Variants in GPC5 observed in about 807,000 individuals in gnomAD.
The protein encoded by GPC5 is glypican 5, also known as glypican-5.
GPC5 carries 47 observed loss-of-function variants against 53.9 expected under a neutral mutation model. That is an observed-to-expected ratio of 0.87 (90% CI 0.69 to 1.11). The LOEUF is 1.11. GPC5 is among the 50% of genes most tolerant of loss of function. GPC5 has a pLI of 0.00. For missense variants in GPC5, 748 were observed against 713.1 expected (o/e 1.05, Z -0.56); for synonymous variants, 286 against 263.3 (o/e 1.09, Z -0.84).
chr13:91,507,208 G>C (rs1193586490), intron 2 of GPC5, among the ~76,000 whole-genome samples: 1 of 152,070 alleles, frequency 6.6e-6, no homozygotes, highest in Non-Finnish European at 1.5e-5. Flanking sequence ...CCTAGTTCCT[G>C]GTTCATAGAT....
chr13:92,086,727 T>C lies in GPC5; in HGVS notation c.1402-58103T>C, dbSNP rs578018574. 2.2e-3 allele frequency among the ~76,000 whole-genome samples: 331 copies of C among 152,094 alleles called. 2 individuals are homozygous for C. Among genetic ancestry groups the C allele is most frequent in the African/African-American group, 7.5e-3 (312 of 41,494 alleles). ...AGGCTGGAGTGCAGTGGAGCAATCTTGGCTCACCACAACCTCCACCTCCCA... is the reference window on the plus strand; with the variant it reads ...AGGCTGGAGTGCAGTGGAGCAATCTCGGCTCACCACAACCTCCACCTCCCA... On this transcript the variant is annotated intron_variant, in intron 6 of 7. Transcript: ENST00000377067.
At chr13:92,503,049 A>G (rs9523690) in intron 7 of GPC5, among the ~76,000 whole-genome samples, 86,759 of 151,750 alleles carry the variant, frequency 0.57, 25,486 homozygotes, top group East Asian at 0.75. Context: ...CAGATATTTG[A>G]AAATTTAACA....
intron 7 of GPC5, among the ~76,000 whole-genome samples, chr13:92,254,132 C>CA (rs1381556394): frequency 1.3e-5 from 2 of 151,818 alleles, no homozygotes; most frequent in African/African-American, 4.8e-5. Flanking sequence ...ACCAGGGGAA[C>CA]AAAAAATTGA....
At chr13:92,729,671 A>T (rs940123299) in intron 7 of GPC5, among the ~76,000 whole-genome samples, 2 of 151,450 alleles carry the variant, frequency 1.3e-5, no homozygotes, top group Non-Finnish European at 3.0e-5. Context: ...TTAGCTAATG[A>T]TCAGCATGTA....
In GPC5 at chr13:91,671,463, A is replaced by G. The variant is rs2035240921; in HGVS notation, c.326-21724A>G. Among the ~76,000 whole-genome samples the G allele has an allele frequency of 2.6e-5, 4 of 152,068 alleles. No homozygotes were observed. In the South Asian group the frequency reaches 8.3e-4, roughly 32 times the overall value. ...TTTGCTGAAATTCCTTATCAGTTCA[A>G]GAATTTTTGGGGCTGAGATTATGGG... On this transcript the variant is annotated intron_variant, in intron 2 of 7. Coordinates refer to ENST00000377067, the MANE Select transcript of GPC5 (RefSeq NM_004466.6).
At chr13:92,085,919 G>A (rs965149298) in intron 6 of GPC5, among the ~76,000 whole-genome samples, 5 of 152,186 alleles carry the variant, frequency 3.3e-5, no homozygotes, top group African/African-American at 9.6e-5. Flanking sequence ...CGCTCACTCA[G>A]CCGCCACTCA....
intron 6 of GPC5, among the ~76,000 whole-genome samples, chr13:92,015,622 T>C (rs1356099862): frequency 6.6e-6 from 1 of 152,102 alleles, no homozygotes; most frequent in Non-Finnish European, 1.5e-5. Context: ...AGTCACAAAT[T>C]AGTAGAATTC....
At chr13:91,527,906 G>A (rs1886162095) in intron 2 of GPC5, among the ~76,000 whole-genome samples, 1 of 152,184 alleles carries the variant, frequency 6.6e-6, no homozygotes, top group Admixed American at 6.5e-5. Context: ...TGGAGCTGGA[G>A]GGGCTGGGAG....
intron 6 of GPC5, among the ~76,000 whole-genome samples, chr13:92,131,364 C>A (rs181206466): frequency 3.2e-4 from 49 of 152,078 alleles, no homozygotes; most frequent in Non-Finnish European, 6.2e-4. Flanking sequence ...GTACTTCAGT[C>A]TATGTCAGTC....
intron 2 of GPC5, among the ~76,000 whole-genome samples, chr13:91,667,024 G>A (rs539420405): frequency 6.6e-6 from 1 of 152,258 alleles, no homozygotes; most frequent in Admixed American, 6.5e-5. Context: ...TTTCACCATA[G>A]AGAATTATGT....
intron 7 of GPC5, among the ~76,000 whole-genome samples, chr13:92,697,129 C>T (rs1312565879): frequency 6.6e-6 from 1 of 150,954 alleles, no homozygotes; most frequent in Non-Finnish European, 1.5e-5. Context: ...AGTCAGGTAG[C>T]GTGATGCCTC....
chr13:91,945,151 C>G (rs1167507770), intron 6 of GPC5, among the ~76,000 whole-genome samples: 2 of 152,128 alleles, frequency 1.3e-5, no homozygotes, highest in Non-Finnish European at 2.9e-5. Flanking sequence ...CTAATTCTAT[C>G]CTATGTTTTA....
intron 7 of GPC5, among the ~76,000 whole-genome samples, chr13:92,780,107 G>T (rs927573727): frequency 6.6e-6 from 1 of 151,912 alleles, no homozygotes; most frequent in African/African-American, 2.4e-5. Context: ...CAGTCTGTTT[G>T]CAGTACAGTT....
intron 6 of GPC5, among the ~76,000 whole-genome samples, chr13:91,970,756 A>G (rs1032941962): frequency 2.2e-4 from 33 of 152,102 alleles, no homozygotes; most frequent in African/African-American, 7.7e-4. Context: ...CTGTTTATAT[A>G]CTGGATTACA....
chr13:92,519,696 C>A (rs968507420), intron 7 of GPC5, among the ~76,000 whole-genome samples: 1 of 152,018 alleles, frequency 6.6e-6, no homozygotes, highest in African/African-American at 2.4e-5. Flanking sequence ...AAAATTGACA[C>A]CCTAACAACA....
chr13:91,825,477 T>C (rs567810251), intron 5 of GPC5, among the ~76,000 whole-genome samples: 4 of 152,140 alleles, frequency 2.6e-5, no homozygotes, highest in Admixed American at 6.6e-5. Context: ...CATAATGCCT[T>C]ATAATGGTTG....
At chr13:92,385,755 GTATA>G (rs1297156348) in intron 7 of GPC5, among the ~76,000 whole-genome samples, 5 of 101,748 alleles carry the variant, frequency 4.9e-5, no homozygotes, top group African/African-American at 1.5e-4. Flanking sequence ...ATATACACGT[GTATA>G]TATATACGTA....
At chr13:91,746,662 A>G (rs1320574007) in intron 4 of GPC5, among the ~76,000 whole-genome samples, 1 of 152,208 alleles carries the variant, frequency 6.6e-6, no homozygotes, top group East Asian at 1.9e-4. Context: ...GATTAGAGCC[A>G]TAGGCCTTAA....
intron 3 of GPC5, among the ~76,000 whole-genome samples, chr13:91,695,562 A>G (rs1193603128): frequency 1.3e-5 from 2 of 151,944 alleles, no homozygotes; most frequent in Non-Finnish European, 2.9e-5. Flanking sequence ...TTTTTAGTAG[A>G]GAGGTGGTTT....
Sources: gnomAD v4.1 joint callset for allele counts (sites outside exome capture counted in the v4.1 genomes callset) on GRCh38, gnomAD v4.1.1 for gene constraint, MANE v1.5 for transcripts, NCBI Gene and HGNC (gene_info 2026-07-23, HGNC 2026-07-21) for gene names.